UBE2R2: variants seen among roughly 807,000 people sequenced by gnomAD.
The protein encoded by UBE2R2 is ubiquitin-conjugating enzyme E2 R2.
In UBE2R2, 1 loss-of-function variant was observed where a neutral mutation model predicts 27.8. That is an observed-to-expected ratio of 0.04 (90% CI 0.01 to 0.17). UBE2R2 has a LOEUF of 0.17. Among genes scored for constraint, UBE2R2 ranks in the 10% least tolerant of loss-of-function variants. The pLI is 1.00. For synonymous variants in UBE2R2, 106 were observed against 113.3 expected (o/e 0.94, Z 0.41); for missense variants, 100 against 291.0 (o/e 0.34, Z 4.78).
At chr9:33,875,062 C>T (rs866521136) in intron 1 of UBE2R2, among the ~76,000 whole-genome samples, 9 of 151,808 alleles carry the variant, frequency 5.9e-5, no homozygotes, top group Middle Eastern at 6.8e-3. Flanking sequence ...ATCCACCTGC[C>T]TCGACCTCCC....
At chr9:33,868,585 CAA>C (rs1228770450) in intron 1 of UBE2R2, 1 of 152,352 alleles carries the variant, frequency 6.6e-6, no homozygotes, top group Non-Finnish European at 1.5e-5. Flanking sequence ...GATTGCATAA[CAA>C]GGGCAGCACT....
chr9:33,817,671 G>C lies in UBE2R2; in HGVS notation c.-87G>C, dbSNP rs1179184726. On this transcript the variant is annotated 5_prime_UTR_variant, in exon 1 of 5. Transcript: ENST00000263228. ...GCCCGGTGCTGCCCGGCCGGAGGGC[G>C]AGCGGAGGGGAGGGGCCTGGTCCGG... is the stretch of plus-strand genomic sequence containing the variant. 1 of 1,185,750 alleles carries C rather than the reference G, an allele frequency of 8.4e-7. No homozygotes were observed. 73.5% of individuals were successfully genotyped at this position (1,185,750 alleles called of 1,614,324 possible).
At chr9:33,882,987 G>A (rs369104542) in intron 1 of UBE2R2, among the ~76,000 whole-genome samples, 2 of 152,110 alleles carry the variant, frequency 1.3e-5, no homozygotes, top group African/African-American at 4.8e-5. Context: ...TACTCGAGAG[G>A]CTGAGGCAGG....
At chr9:33,890,528 A>T (rs2130799709) in intron 2 of UBE2R2, among the ~76,000 whole-genome samples, 1 of 151,564 alleles carries the variant, frequency 6.6e-6, no homozygotes, top group Non-Finnish European at 1.5e-5. Flanking sequence ...AGATCGAGCT[A>T]AGGCCGGGCT....
At chr9:33,876,669 A>G (rs1821609332) in intron 1 of UBE2R2, among the ~76,000 whole-genome samples, 1 of 152,054 alleles carries the variant, frequency 6.6e-6, no homozygotes, top group African/African-American at 2.4e-5. Flanking sequence ...TAATCCCAGC[A>G]CTTTGAGAGG....
chr9:33,890,333 C>A (rs576629347), intron 2 of UBE2R2, among the ~76,000 whole-genome samples: 31 of 152,184 alleles, frequency 2.0e-4, no homozygotes, highest in African/African-American at 6.7e-4. Context: ...CCCTATAATC[C>A]CAGCACTTTG....
chr9:33,876,375 A>T (rs1335809153), intron 1 of UBE2R2, among the ~76,000 whole-genome samples: 1 of 152,060 alleles, frequency 6.6e-6, no homozygotes, highest in Non-Finnish European at 1.5e-5. Flanking sequence ...TAAGTAAATA[A>T]ACAGTTAATA....
chr9:33,895,566 G>A (rs552684734), intron 2 of UBE2R2, among the ~76,000 whole-genome samples: 1 of 152,164 alleles, frequency 6.6e-6, no homozygotes, highest in Non-Finnish European at 1.5e-5. Context: ...GGATTACCTT[G>A]TCAATAACTG....
intron 1 of UBE2R2, chr9:33,818,524 G>A (rs1472576921): frequency 3.5e-5 from 4 of 114,208 alleles, no homozygotes; most frequent in African/African-American, 1.2e-4. Flanking sequence ...GGACCCTAGG[G>A]GTGGTAAAAA....
intron 3 of UBE2R2, among the ~76,000 whole-genome samples, chr9:33,906,097 G>A (rs1207863613): frequency 2.7e-5 from 4 of 147,178 alleles, no homozygotes; most frequent in Non-Finnish European, 4.5e-5. Flanking sequence ...TGTTGTTGTC[G>A]TCGTCGTCGT....
intron 1 of UBE2R2, among the ~76,000 whole-genome samples, chr9:33,833,225 T>C (rs763714957): frequency 1.3e-4 from 20 of 152,074 alleles, no homozygotes; most frequent in Admixed American, 4.6e-4. Flanking sequence ...CCACCGTGCC[T>C]GGCTAATTTT....
chr9:33,906,103 G>A (rs547047304), intron 3 of UBE2R2, among the ~76,000 whole-genome samples: 7 of 145,908 alleles, frequency 4.8e-5, no homozygotes, highest in Admixed American at 2.8e-4. Flanking sequence ...TGTCGTCGTC[G>A]TCGTTGTTGC....
intron 1 of UBE2R2, among the ~76,000 whole-genome samples, chr9:33,877,948 G>A (rs953575748): frequency 6.6e-6 from 1 of 151,740 alleles, no homozygotes; most frequent in African/African-American, 2.4e-5. Context: ...TAAGTGATGG[G>A]GTTTCACCAT....
chr9:33,892,024 A>G (rs1038964327), intron 2 of UBE2R2, among the ~76,000 whole-genome samples: 2 of 152,150 alleles, frequency 1.3e-5, no homozygotes, highest in Non-Finnish European at 2.9e-5. Flanking sequence ...TTATATTTTC[A>G]TCATTACCAT....
chr9:33,872,803 A>G (rs546312701), intron 1 of UBE2R2, among the ~76,000 whole-genome samples: 2 of 149,406 alleles, frequency 1.3e-5, no homozygotes, highest in South Asian at 4.2e-4. Flanking sequence ...AAAAAAAAAG[A>G]TTTGGTGTGT....
intron 1 of UBE2R2, among the ~76,000 whole-genome samples, chr9:33,869,997 C>T (rs1337072994): frequency 1.3e-5 from 2 of 151,768 alleles, no homozygotes; most frequent in Non-Finnish European, 2.9e-5. Context: ...CAGGAATGTG[C>T]TACCACACCC....
intron 4 of UBE2R2, among the ~76,000 whole-genome samples, chr9:33,912,724 A>T (rs1822521140): frequency 6.6e-6 from 1 of 152,142 alleles, no homozygotes; most frequent in South Asian, 2.1e-4. Context: ...CAGCAACACT[A>T]ATGTATGGTA....
At chr9:33,825,437 C>T (rs1820294574) in intron 1 of UBE2R2, among the ~76,000 whole-genome samples, 1 of 151,956 alleles carries the variant, frequency 6.6e-6, no homozygotes, top group South Asian at 2.1e-4. Context: ...GATGGGGTTT[C>T]ACCATGTTGG....
chr9:33,843,864 A>T (rs535323557), intron 1 of UBE2R2, among the ~76,000 whole-genome samples: 5 of 152,176 alleles, frequency 3.3e-5, no homozygotes, highest in Admixed American at 2.6e-4. Flanking sequence ...TTTTCATCCA[A>T]ATATTTTGGG....
Sources: allele counts gnomAD v4.1 joint callset (sites outside exome capture counted in the v4.1 genomes callset), GRCh38; gene constraint gnomAD v4.1.1; transcripts MANE v1.5; gene names NCBI Gene and HGNC (gene_info 2026-07-23, HGNC 2026-07-21).